The following CHN1 variants were observed in gnomAD, a reference collection of about 807,000 sequenced individuals.
The protein encoded by CHN1 is chimerin 1.
A neutral mutation model predicts 59.5 loss-of-function variants in CHN1; 37 were observed. The ratio of observed to expected loss-of-function variants is 0.62; its 90% CI spans 0.48 to 0.82. The LOEUF (loss-of-function observed/expected upper bound fraction) is 0.82. CHN1 is among the 40% of genes least tolerant of loss of function. The pLI is 0.00. For missense variants in CHN1, 469 were observed against 571.0 expected (o/e 0.82, Z 1.82); for synonymous variants, 206 against 200.4 (o/e 1.03, Z -0.24).
rs115759126 is a variant in CHN1 at position 174,992,986 on chromosome 2, C to T, written c.19+11908G>A. ...TTATTTTTTGTAAAGATGAGAGTCTCACTACATTGCTCAGGCTGCTCTTGA... is the reference window on the plus strand; with the variant it reads ...TTATTTTTTGTAAAGATGAGAGTCTTACTACATTGCTCAGGCTGCTCTTGA... On this transcript the variant is annotated intron_variant, in intron 1 of 12. Transcript: ENST00000409900. Among the ~76,000 whole-genome samples, 570 of 152,144 alleles carry T rather than the reference C, an allele frequency of 3.7e-3. 4 individuals carry two copies. Among genetic ancestry groups the T allele is most frequent in the African/African-American group, 0.013 (546 of 41,526 alleles).
chr2:174,847,004 G>A (rs930794325), intron 6 of CHN1, 47 bp from the exon 7 acceptor site: 2 of 1,551,686 alleles, frequency 1.3e-6, no homozygotes, highest in Admixed American at 2.0e-5. Flanking sequence ...TGTCACAGAC[G>A]ACTTTGGAGA....
At chr2:174,806,642 T>A (rs747996903) in intron 11 of CHN1, among the ~76,000 whole-genome samples, 7 of 152,176 alleles carry the variant, frequency 4.6e-5, no homozygotes, top group Non-Finnish European at 1.0e-4. Context: ...GTGAGCAATG[T>A]GATCTTACAC....
chr2:174,984,297 C>CTTA (rs1249385918), intron 1 of CHN1, among the ~76,000 whole-genome samples: 2 of 147,356 alleles, frequency 1.4e-5, no homozygotes, highest in Non-Finnish European at 1.5e-5. Flanking sequence ...TTCCTTAGTT[C>CTTA]TAAAATTAAT....
At chr2:174,925,931 T>A (rs768991850) in intron 3 of CHN1, among the ~76,000 whole-genome samples, 1 of 152,240 alleles carries the variant, frequency 6.6e-6, no homozygotes, top group Admixed American at 6.5e-5. Flanking sequence ...GTTACTCATA[T>A]TGGCTCAGAA....
intron 5 of CHN1, among the ~76,000 whole-genome samples, chr2:174,895,786 T>C (rs755162271): frequency 6.6e-6 from 1 of 152,176 alleles, no homozygotes; most frequent in Non-Finnish European, 1.5e-5. Context: ...CAGATTCTAC[T>C]ATAAGTATTA....
Position 175,005,305 on chromosome 2 carries a change from C to A in CHN1, c.-393G>T. 1 of 1,196,390 alleles carries A rather than the reference C, an allele frequency of 8.4e-7. No individual in the cohort carries two copies. Among genetic ancestry groups the A allele is most frequent in the Non-Finnish European group, 1.1e-6 (1 of 947,076 alleles). 74.1% of individuals were successfully genotyped at this position (1,196,390 alleles called of 1,614,324 possible). A position where few individuals can be genotyped will look rare whatever the true frequency, so the allele number is the denominator to read the frequency against. On this transcript the variant is annotated 5_prime_UTR_variant, in exon 1 of 13. Transcript: ENST00000409900. The stretch of plus-strand genomic sequence containing the variant: ...GCGACGGGGAGAGCAGCAGCAGCCT[C>A]GCACAGCCCCCGGCGGGGCGCGCTC...
intron 1 of CHN1, among the ~76,000 whole-genome samples, chr2:174,978,560 T>C (rs1350986697): frequency 6.6e-6 from 1 of 152,234 alleles, no homozygotes; most frequent in Non-Finnish European, 1.5e-5. Context: ...ACACAGGTAA[T>C]GGCTCATACT....
intron 5 of CHN1, among the ~76,000 whole-genome samples, chr2:174,878,377 T>A (rs908113762): frequency 3.3e-5 from 5 of 152,236 alleles, no homozygotes; most frequent in African/African-American, 1.2e-4. Context: ...TAATTTTTTT[T>A]ATTTATCTTT....
intron 1 of CHN1, among the ~76,000 whole-genome samples, chr2:174,964,487 C>CT (rs1222882047): frequency 6.6e-6 from 1 of 152,208 alleles, no homozygotes; most frequent in Non-Finnish European, 1.5e-5. Context: ...GAAAAGTCCT[C>CT]TTTAACAAAC....
At chr2:174,979,758 G>A (rs376826584) in intron 1 of CHN1, among the ~76,000 whole-genome samples, 2 of 152,234 alleles carry the variant, frequency 1.3e-5, no homozygotes, top group East Asian at 1.9e-4. Context: ...GTGGGCGCCT[G>A]TAGTCCCAGC....
intron 1 of CHN1, among the ~76,000 whole-genome samples, chr2:174,980,777 T>C (rs6433512): frequency 0.042 from 6,410 of 152,248 alleles, 483 homozygotes; most frequent in African/African-American, 0.15. Context: ...TAAACTATGA[T>C]ATTCTGTATG....
chr2:174,889,581 A>G (rs1488250547), intron 5 of CHN1, among the ~76,000 whole-genome samples: 1 of 152,186 alleles, frequency 6.6e-6, no homozygotes, highest in Non-Finnish European at 1.5e-5. Flanking sequence ...AATACAATAA[A>G]TGGATTAAAA....
intron 6 of CHN1, among the ~76,000 whole-genome samples, chr2:174,865,011 ATC>A (rs1218718808): frequency 6.6e-6 from 1 of 152,214 alleles, no homozygotes; most frequent in Non-Finnish European, 1.5e-5. Flanking sequence ...GAATTTGTAC[ATC>A]TGTGTGATAC....
At chr2:174,915,398 A>T in intron 4 of CHN1, 2 of 428,486 alleles carry the variant, frequency 4.7e-6, no homozygotes, top group South Asian at 1.0e-4. Context: ...TACCCAATCC[A>T]GTTAACAACC....
At position 174,877,432 on chromosome 2, in the gene CHN1, C is replaced by G. The variant is rs1477022328; in HGVS notation, c.549+408G>C. Among the ~76,000 whole-genome samples the G allele has an allele frequency of 4.6e-5, 7 of 151,988 alleles. No individual in the cohort carries two copies. The East Asian group carries it at 1.4e-3, about 29-fold the overall frequency. On this transcript the variant is annotated intron_variant, in intron 6 of 12. Coordinates refer to ENST00000409900, the MANE Select transcript of CHN1 (RefSeq NM_001822.7). ...ACATAAAATCTTGCTAAGAACACAA[C>G]TATTTATAAAGTAAATTATCTTTAA...
intron 3 of CHN1, among the ~76,000 whole-genome samples, chr2:174,938,492 T>C (rs1689564970): frequency 6.6e-6 from 1 of 152,208 alleles, no homozygotes. Context: ...TGTATGAATT[T>C]CATTTCTTTA....
chr2:174,834,035 G>A (rs986726182), intron 7 of CHN1, among the ~76,000 whole-genome samples: 1 of 152,020 alleles, frequency 6.6e-6, no homozygotes, highest in Non-Finnish European at 1.5e-5. Context: ...CAAACCCCAG[G>A]GCTCAAACTG....
At chr2:174,895,995 T>C (rs1688207690) in intron 5 of CHN1, among the ~76,000 whole-genome samples, 1 of 152,118 alleles carries the variant, frequency 6.6e-6, no homozygotes, top group South Asian at 2.1e-4. Flanking sequence ...ACACCTATAC[T>C]GACTCTAAAT....
At position 174,801,712 on chromosome 2, in the gene CHN1, T is replaced by C. The variant is rs376483955; in HGVS notation, c.1203A>G (p.Leu401=). ...ACTCAAAGTCTATAGCTTGCCTCTT[T>C]AGATGTGCCATGAGGTACCGGAGGG... ...CETLRYLMAH[L]KRVTLHEKEN... The change falls in exon 12 of 13, where the codon CTA becomes CTG. Residue 401 remains leucine (L), a synonymous_variant. Coordinates refer to ENST00000409900, the MANE Select transcript of CHN1 (RefSeq NM_001822.7). The C allele has an allele frequency of 2.7e-5, 44 of 1,612,454 alleles. No homozygotes were observed. Among genetic ancestry groups the C allele is most frequent in the South Asian group, 7.7e-5 (7 of 91,010 alleles).
Sources: allele counts gnomAD v4.1 joint callset (sites outside exome capture counted in the v4.1 genomes callset), GRCh38; gene constraint gnomAD v4.1.1; transcripts MANE v1.5; gene names NCBI Gene and HGNC (gene_info 2026-07-23, HGNC 2026-07-21).